The following CHD6 variants were observed in gnomAD, a reference collection of about 807,000 sequenced individuals.
CHD6 encodes ATP-dependent chromatin remodeler CHD6.
A neutral mutation model predicts 276.9 loss-of-function variants in CHD6; 50 were observed. The observed-to-expected ratio is 0.18, with a 90% CI of 0.14 to 0.23. CHD6 has a LOEUF of 0.23. CHD6 is among the 10% of genes least tolerant of loss of function. CHD6 has a pLI of 1.00. For synonymous variants in CHD6, 1,173 were observed against 1,229.3 expected (o/e 0.95, Z 0.96); for missense variants, 2,564 against 3,365.8 (o/e 0.76, Z 5.89).
chr20:41,576,513 C>G (rs1298830136), intron 1 of CHD6, among the ~76,000 whole-genome samples: 1 of 152,120 alleles, frequency 6.6e-6, no homozygotes, highest in Non-Finnish European at 1.5e-5. Context: ...TGGTGAAACC[C>G]TGCCTCTACT....
At chr20:41,480,675 T>C (rs1296021799) in intron 16 of CHD6, among the ~76,000 whole-genome samples, 1 of 151,836 alleles carries the variant, frequency 6.6e-6, no homozygotes, top group Non-Finnish European at 1.5e-5. Context: ...TATCAAGAAA[T>C]TACAACTAAT....
intron 5 of CHD6, among the ~76,000 whole-genome samples, chr20:41,501,433 G>C (rs2043827338): frequency 6.6e-6 from 1 of 152,096 alleles, no homozygotes; most frequent in Non-Finnish European, 1.5e-5. Context: ...CCAATATTCA[G>C]ACTTCTACCA....
chr20:41,552,670 T>G (rs1251387687), intron 1 of CHD6, among the ~76,000 whole-genome samples: 2 of 152,210 alleles, frequency 1.3e-5, no homozygotes, highest in Non-Finnish European at 2.9e-5. Context: ...GTTTATCATT[T>G]TAATGTCTGT....
intron 13 of CHD6, 78 bp downstream of exon 13, chr20:41,488,350 T>C (rs1390695534): frequency 9.3e-6 from 12 of 1,292,738 alleles, no homozygotes; most frequent in Non-Finnish European, 1.2e-5. Flanking sequence ...ATAAGTTACA[T>C]GCAGAATGGC....
chr20:41,439,448 A>T (rs1215514953), intron 26 of CHD6, among the ~76,000 whole-genome samples: 3 of 152,184 alleles, frequency 2.0e-5, no homozygotes, highest in Non-Finnish European at 4.4e-5. Context: ...TATTTATGTC[A>T]AGAGTAAATA....
chr20:41,494,356 G>A (rs1244200764), intron 8 of CHD6, among the ~76,000 whole-genome samples: 1 of 152,170 alleles, frequency 6.6e-6, no homozygotes, highest in Non-Finnish European at 1.5e-5. Context: ...TGCTGACAAT[G>A]TTCTATTTGC....
At chr20:41,448,087 A>G (rs564270394) in intron 23 of CHD6, 116 bp from the exon 24 acceptor site, 1 of 530,906 alleles carries the variant, frequency 1.9e-6, no homozygotes, top group African/African-American at 2.0e-5. Flanking sequence ...AATATTATGA[A>G]GTAATAGAAG....
At chr20:41,485,017 G>A (rs181778241) in intron 14 of CHD6, among the ~76,000 whole-genome samples, 1 of 152,298 alleles carries the variant, frequency 6.6e-6, no homozygotes, top group Non-Finnish European at 1.5e-5. Flanking sequence ...TAGACGCTGA[G>A]AGAATGGAGT....
chr20:41,515,948 G>A (rs541114327), intron 3 of CHD6, among the ~76,000 whole-genome samples: 6 of 152,164 alleles, frequency 3.9e-5, no homozygotes, highest in Non-Finnish European at 8.8e-5. Context: ...TTAATGAATG[G>A]CTATGATTAA....
At chr20:41,536,821 G>T (rs2146091290) in intron 2 of CHD6, among the ~76,000 whole-genome samples, 1 of 152,262 alleles carries the variant, frequency 6.6e-6, no homozygotes, top group South Asian at 2.1e-4. Context: ...CCTATAAGCT[G>T]CTTCCAAGCT....
chr20:41,569,227 T>C (rs1026372587), intron 1 of CHD6, among the ~76,000 whole-genome samples: 1 of 152,148 alleles, frequency 6.6e-6, no homozygotes, highest in African/African-American at 2.4e-5. Context: ...CTGGTTGTAG[T>C]ACACTAAAAG....
At chr20:41,506,025 T>C (rs1235284805) in intron 5 of CHD6, among the ~76,000 whole-genome samples, 1 of 152,130 alleles carries the variant, frequency 6.6e-6, no homozygotes, top group Non-Finnish European at 1.5e-5. Flanking sequence ...CCATACACCA[T>C]ATCTGACTGG....
Position 41,412,254 on chromosome 20 carries a change from C to G in CHD6, c.7141G>C (p.Asp2381His), listed in dbSNP as rs143012629. 213 of 1,614,104 alleles carry G rather than the reference C, an allele frequency of 1.3e-4. 4 individuals carry two copies. The East Asian group carries it at 4.7e-3, about 35-fold the overall frequency. Residue 2381 changes from aspartate to histidine, a missense_variant, in exon 36 of 37, where the codon GAC becomes CAC. Physicochemically the swap from Asp to His is moderately conservative, Grantham distance 81 (BLOSUM62 -1). Coordinates refer to ENST00000373233, the MANE Select transcript of CHD6 (RefSeq NM_032221.5). ...EVPGFGANFSDKPKQRRPRCK... is the reference protein window; with the variant it reads ...EVPGFGANFSHKPKQRRPRCK... ...CGTGGCCTCCTCTGCTTTGGTTTGT[C>G]TGAAAAATTCTAGGATGAAAACGGA...
At chr20:41,491,220 C>CT (rs766247363) in intron 11 of CHD6, among the ~76,000 whole-genome samples, 3 of 151,560 alleles carry the variant, frequency 2.0e-5, no homozygotes, top group Non-Finnish European at 4.4e-5. Context: ...TTTTAAAAAA[C>CT]TTTTTGACTC....
chr20:41,462,021 A>G (rs568052056), intron 17 of CHD6: 8 of 152,222 alleles, frequency 5.3e-5, no homozygotes, highest in Non-Finnish European at 8.8e-5. Context: ...ACAGGGGTAG[A>G]AAACTTACAG....
chr20:41,482,493 G>C (rs576827754), intron 16 of CHD6: 1 of 498,354 alleles, frequency 2.0e-6, no homozygotes, highest in East Asian at 5.6e-5. Flanking sequence ...GAATGTTAAA[G>C]AATAAGAACA....
chr20:41,411,711 A>C lies in CHD6; in HGVS notation c.7251+433T>G, dbSNP rs138285643. Among the ~76,000 whole-genome samples, 723 of 152,322 alleles carry C rather than the reference A, an allele frequency of 4.7e-3. 2 individuals are homozygous for C. Among genetic ancestry groups the C allele is most frequent in the Non-Finnish European group, 8.0e-3 (544 of 68,024 alleles). ...ATAATAGGAAAAGGGTAGTGCTTAG[A>C]GGCAGCTGTTTTTCATTGCCAGTGA... On this transcript the variant is annotated intron_variant, in intron 36 of 36. Transcript: ENST00000373233.
At chr20:41,496,361 TTC>T (rs1188123214) in intron 8 of CHD6, among the ~76,000 whole-genome samples, 2 of 152,290 alleles carry the variant, frequency 1.3e-5, no homozygotes, top group East Asian at 3.9e-4. Context: ...CTGACATTTA[TTC>T]TCTCAGTATT....
At position 41,415,385 on chromosome 20, in the gene CHD6, G is replaced by A; in HGVS notation, c.6740C>T (p.Ser2247Leu). 1 of 1,613,834 alleles carries A rather than the reference G, an allele frequency of 6.2e-7. No individual in the cohort carries two copies. Among genetic ancestry groups the A allele is most frequent in the Non-Finnish European group, 8.5e-7 (1 of 1,179,856 alleles). ...ASTPKIGAIS[S>L]LQGALGMDLS... Reference sequence around the variant, plus strand: ...GTCCATGCCAAGGGCTCCCTGAAGTGAACTGATAGCCCCAATCTTAGGGGT... The same window carrying A: ...GTCCATGCCAAGGGCTCCCTGAAGTAAACTGATAGCCCCAATCTTAGGGGT... Residue 2247 changes from serine (S) to leucine (L), a missense_variant, in exon 34 of 37, where the codon TCA becomes TTA. By Grantham distance (145) the Ser-to-Leu change is moderately radical. Coordinates refer to ENST00000373233, the MANE Select transcript of CHD6 (RefSeq NM_032221.5).
Sources: allele counts gnomAD v4.1 joint callset (sites outside exome capture counted in the v4.1 genomes callset), GRCh38; gene constraint gnomAD v4.1.1; transcripts MANE v1.5; gene names NCBI Gene and HGNC (gene_info 2026-07-23, HGNC 2026-07-21).